Variants in MYRIP observed in about 807,000 individuals in gnomAD.
MYRIP encodes the protein rab effector MyRIP.
Under a neutral mutation model 98.0 loss-of-function variants are expected in MYRIP, and 49 were observed. The ratio of observed to expected loss-of-function variants is 0.50; its 90% CI spans 0.40 to 0.63. The LOEUF (loss-of-function observed/expected upper bound fraction) is 0.63, where lower values mean the gene tolerates loss of function less well. Among genes scored for constraint, MYRIP ranks in the 30% least tolerant of loss-of-function variants. The pLI is 0.00. For missense variants in MYRIP, 1,004 were observed against 1,058.2 expected (o/e 0.95, Z 0.71); for synonymous variants, 404 against 409.5 (o/e 0.99, Z 0.16).
At chr3:40,111,764 A>T (rs1949163086) in intron 3 of MYRIP, among the ~76,000 whole-genome samples, 1 of 152,196 alleles carries the variant, frequency 6.6e-6, no homozygotes, top group African/African-American at 2.4e-5. Context: ...GGGAAAAAAA[A>T]AAGTTACCCA....
intron 2 of MYRIP, among the ~76,000 whole-genome samples, chr3:40,039,256 A>T (rs1947457080): frequency 3.3e-5 from 5 of 152,242 alleles, no homozygotes; most frequent in Non-Finnish European, 5.9e-5. Flanking sequence ...TGCCTCAAAC[A>T]ATCTATTCAA....
chr3:39,984,635 A>G (rs1410388855), intron 2 of MYRIP, among the ~76,000 whole-genome samples: 5 of 152,262 alleles, frequency 3.3e-5, no homozygotes, highest in African/African-American at 1.2e-4. Flanking sequence ...ATTGTTGGAC[A>G]TTTGGGTTGG....
At chr3:39,955,488 G>A (rs1242941049) in intron 2 of MYRIP, among the ~76,000 whole-genome samples, 2 of 152,120 alleles carry the variant, frequency 1.3e-5, no homozygotes, top group Non-Finnish European at 2.9e-5. Context: ...GAGAGATTCT[G>A]TCACCACCAG....
At chr3:40,181,208 T>C (rs1950875687) in intron 8 of MYRIP, among the ~76,000 whole-genome samples, 1 of 152,116 alleles carries the variant, frequency 6.6e-6, no homozygotes, top group Non-Finnish European at 1.5e-5. Context: ...GCCAAGGTAG[T>C]GTAGCCGAGG....
At chr3:40,055,783 G>C (rs922021788) in intron 3 of MYRIP, among the ~76,000 whole-genome samples, 7 of 152,112 alleles carry the variant, frequency 4.6e-5, no homozygotes, top group Non-Finnish European at 1.0e-4. Context: ...AAGGAACATA[G>C]CTCCTCTACT....
chr3:39,946,038 T>G (rs1257701756), intron 2 of MYRIP, among the ~76,000 whole-genome samples: 1 of 151,946 alleles, frequency 6.6e-6, no homozygotes, highest in Non-Finnish European at 1.5e-5. Flanking sequence ...ACATATTACT[T>G]CTGAATAACC....
intron 2 of MYRIP, among the ~76,000 whole-genome samples, chr3:39,994,226 G>A (rs1049943245): frequency 1.3e-5 from 2 of 152,254 alleles, no homozygotes; most frequent in Admixed American, 6.5e-5. Flanking sequence ...AGCATGAGCC[G>A]AAGCAGGGCG....
chr3:40,107,375 G>GC (rs1949069190), intron 3 of MYRIP, among the ~76,000 whole-genome samples: 1 of 152,076 alleles, frequency 6.6e-6, no homozygotes, highest in South Asian at 2.1e-4. Context: ...TTTTCACTGG[G>GC]CCCCATAAAT....
At chr3:39,958,509 A>G (rs1312901852) in intron 2 of MYRIP, among the ~76,000 whole-genome samples, 1 of 152,162 alleles carries the variant, frequency 6.6e-6, no homozygotes, top group Non-Finnish European at 1.5e-5. Flanking sequence ...CCTTCTTTAT[A>G]CCTTATACAA....
At chr3:39,829,878 C>T (rs4676523) in intron 1 of MYRIP, among the ~76,000 whole-genome samples, 38,364 of 151,962 alleles carry the variant, frequency 0.25, 5,107 homozygotes, top group Middle Eastern at 0.31. Flanking sequence ...TGCAACTGTA[C>T]GTAGGCTCTT....
chr3:40,205,747 T>A (rs1369641026), intron 10 of MYRIP, among the ~76,000 whole-genome samples: 2 of 152,110 alleles, frequency 1.3e-5, no homozygotes, highest in African/African-American at 4.8e-5. Flanking sequence ...AGTGAGTATG[T>A]TTGGTGTTTC....
chr3:40,139,468 C>T (rs9872925), intron 3 of MYRIP, among the ~76,000 whole-genome samples: 3 of 152,130 alleles, frequency 2.0e-5, no homozygotes, highest in Admixed American at 2.0e-4. Flanking sequence ...GATTAATTTT[C>T]CTTCTTTTAA....
chr3:40,243,654 G>T (rs7639220), intron 12 of MYRIP, among the ~76,000 whole-genome samples: 77,927 of 151,412 alleles, frequency 0.51, 20,734 homozygotes, highest in East Asian at 0.75. Flanking sequence ...CTTCATCACA[G>T]TATTGATTAG....
chr3:39,928,841 A>T (rs1489290465), intron 2 of MYRIP, among the ~76,000 whole-genome samples: 1 of 151,946 alleles, frequency 6.6e-6, no homozygotes, highest in Non-Finnish European at 1.5e-5. Context: ...TATGCAATAG[A>T]TGAGAAAAGG....
At chr3:40,001,314 A>G (rs1946515160) in intron 2 of MYRIP, among the ~76,000 whole-genome samples, 1 of 152,214 alleles carries the variant, frequency 6.6e-6, no homozygotes, top group Non-Finnish European at 1.5e-5. Flanking sequence ...CAGAGCCATG[A>G]GACAGTTTCT....
At chr3:40,075,044 ATATTT>A (rs1267787493) in intron 3 of MYRIP, among the ~76,000 whole-genome samples, 32 of 152,326 alleles carry the variant, frequency 2.1e-4, no homozygotes, top group African/African-American at 6.5e-4. Flanking sequence ...ACAAGAAAAG[ATATTT>A]TATAACTGAA....
chr3:39,965,909 A>G (rs933426585), intron 2 of MYRIP, among the ~76,000 whole-genome samples: 2 of 152,178 alleles, frequency 1.3e-5, no homozygotes, highest in Non-Finnish European at 2.9e-5. Flanking sequence ...GCATAATTGT[A>G]TATGTTTGAT....
intron 3 of MYRIP, among the ~76,000 whole-genome samples, chr3:40,125,889 A>T (rs555392487): frequency 6.6e-6 from 1 of 152,264 alleles, no homozygotes; most frequent in African/African-American, 2.4e-5. Flanking sequence ...CCTCTGAGCC[A>T]TGTCTGTCTG....
At chr3:39,826,553 C>T (rs1941273243) in intron 1 of MYRIP, among the ~76,000 whole-genome samples, 2 of 151,934 alleles carry the variant, frequency 1.3e-5, no homozygotes, top group Admixed American at 6.6e-5. Context: ...TTTTTTGAGA[C>T]TTGTTTTGTG....
Sources: gnomAD v4.1 joint callset for allele counts (sites outside exome capture counted in the v4.1 genomes callset) on GRCh38, gnomAD v4.1.1 for gene constraint, MANE v1.5 for transcripts, NCBI Gene and HGNC (gene_info 2026-07-23, HGNC 2026-07-21) for gene names.